The following RGS17 variants were observed in gnomAD, a reference collection of about 807,000 sequenced individuals.
RGS17 encodes the protein regulator of G protein signaling 17.
Under a neutral mutation model 25.5 loss-of-function variants are expected in RGS17, and 12 were observed. The observed-to-expected ratio is 0.47, with a 90% confidence interval of 0.30 to 0.76. RGS17 has a LOEUF of 0.76. Ranked by LOEUF, RGS17 falls within the 30% of genes least tolerant of loss-of-function variation. The pLI is 0.07. For synonymous variants in RGS17, 71 were observed against 76.9 expected, an observed-to-expected ratio of 0.92 and a Z score of 0.40; for missense variants, 196 against 242.2, an observed-to-expected ratio of 0.81 and a Z score of 1.27.
At chr6:153,051,193 A>G (rs1407856718) in intron 1 of RGS17, among the ~76,000 whole-genome samples, 1 of 152,222 alleles carries the variant, frequency 6.6e-6, no homozygotes, top group Non-Finnish European at 1.5e-5. Flanking sequence ...ATTGGTACTG[A>G]GAAGTGGAGT....
intron 4 of RGS17, among the ~76,000 whole-genome samples, chr6:153,020,132 ATATATATTTTTTTTTTTTTTTTTT>A (rs1779230824): frequency 7.7e-5 from 6 of 77,878 alleles, no homozygotes; most frequent in African/African-American, 3.0e-4. Context: ...ATATATATAT[ATATATATTTTTTTTTTTTTTTTTT>A]TTTTTTTTTT....
At chr6:153,054,650 CAAATAAATAAATAAATAAATAAAT>C (rs55901939) in intron 1 of RGS17, among the ~76,000 whole-genome samples, 4 of 141,772 alleles carry the variant, frequency 2.8e-5, no homozygotes, top group Admixed American at 2.1e-4. Flanking sequence ...GACTTCATCT[CAAATAAATAAATAAATAAATAAAT>C]AAATAAATAA....
intron 1 of RGS17, among the ~76,000 whole-genome samples, chr6:153,098,941 T>C (rs981255257): frequency 6.6e-5 from 10 of 152,128 alleles, no homozygotes; most frequent in African/African-American, 2.4e-4. Flanking sequence ...GAGCAGCAGA[T>C]TTTTGGGGTC....
chr6:153,015,773 C>T (rs1017326397), intron 4 of RGS17, among the ~76,000 whole-genome samples: 47 of 152,096 alleles, frequency 3.1e-4, no homozygotes, highest in Admixed American at 8.5e-4. Context: ...CCTGCCTCAG[C>T]CTCCTGAGTA....
chr6:153,047,993 C>T (rs1776406006), intron 1 of RGS17, among the ~76,000 whole-genome samples: 1 of 152,104 alleles, frequency 6.6e-6, no homozygotes, highest in African/African-American at 2.4e-5. Context: ...AGTGTTCTGT[C>T]TTTCTTCTCT....
chr6:153,110,770 G>C (rs1205718435), intron 1 of RGS17, among the ~76,000 whole-genome samples: 1 of 152,170 alleles, frequency 6.6e-6, no homozygotes, highest in African/African-American at 2.4e-5. Context: ...TAGACAGTGG[G>C]TGCAGCCCAC....
chr6:153,025,425 A>G (rs1584122314), intron 3 of RGS17, among the ~76,000 whole-genome samples: 2 of 151,950 alleles, frequency 1.3e-5, no homozygotes, highest in East Asian at 3.9e-4. Context: ...GACATTGGGG[A>G]ATTTAAAACT....
At chr6:153,127,281 G>A (rs934975065) in intron 1 of RGS17, among the ~76,000 whole-genome samples, 3 of 152,268 alleles carry the variant, frequency 2.0e-5, no homozygotes, top group Non-Finnish European at 4.4e-5. Flanking sequence ...TCAGGGGTTG[G>A]GGACCCCTGT....
At chr6:153,027,432 C>T (rs535388193) in intron 2 of RGS17, among the ~76,000 whole-genome samples, 23 of 151,942 alleles carry the variant, frequency 1.5e-4, no homozygotes, top group Non-Finnish European at 2.9e-4. Context: ...CTCAGTGGCT[C>T]GGGAAAATTT....
chr6:153,064,804 T>C (rs1186851979), intron 1 of RGS17, among the ~76,000 whole-genome samples: 1 of 151,802 alleles, frequency 6.6e-6, no homozygotes, highest in East Asian at 1.9e-4. Context: ...ATACAATGAA[T>C]GCACAAAAAA....
rs202172532 is a variant in RGS17, at chr6:153,053,913, TTA to T, written c.-25-9872_-25-9871del. Among the ~76,000 whole-genome samples, 16 of 97,888 alleles carry T rather than the reference TTA, an allele frequency of 1.6e-4. 2 individuals are homozygous for T. Among genetic ancestry groups the T allele is most frequent in the East Asian group, 3.9e-4 (1 of 2,586 alleles). The allele number at this position is 97,888 out of a possible 152,430, so 64.2% of individuals were successfully genotyped here. On this transcript the variant is annotated intron_variant, in intron 1 of 4. Transcript: ENST00000206262. ...TTTTTCACATACATACATACACACA[TTA>T]TATATATATGTATATATATGTATAT... is the stretch of plus-strand genomic sequence containing the variant.
At chr6:153,082,866 C>T (rs999065080) in intron 1 of RGS17, among the ~76,000 whole-genome samples, 2 of 152,150 alleles carry the variant, frequency 1.3e-5, no homozygotes, top group Non-Finnish European at 2.9e-5. Flanking sequence ...AGCTTTACTG[C>T]ATGAGTCTAG....
chr6:153,070,676 TG>T (rs1234715244), intron 1 of RGS17, among the ~76,000 whole-genome samples: 5 of 37,068 alleles, frequency 1.3e-4, no homozygotes, highest in African/African-American at 4.4e-4. Flanking sequence ...TGGAAGATTG[TG>T]TGTGTGTGTG....
chr6:153,128,318 T>G (rs1345523958), intron 1 of RGS17, among the ~76,000 whole-genome samples: 1 of 152,204 alleles, frequency 6.6e-6, no homozygotes, highest in African/African-American at 2.4e-5. Context: ...TTTGCCCTCT[T>G]TGGTAGTGCA....
chr6:153,113,696 C>T (rs1777506251), intron 1 of RGS17, among the ~76,000 whole-genome samples: 1 of 152,126 alleles, frequency 6.6e-6, no homozygotes, highest in South Asian at 2.1e-4. Context: ...CACTCCTCAG[C>T]AAATGCAAAA....
At chr6:153,109,301 T>C (rs1012902753) in intron 1 of RGS17, among the ~76,000 whole-genome samples, 25 of 152,224 alleles carry the variant, frequency 1.6e-4, no homozygotes, top group Non-Finnish European at 4.4e-5. Flanking sequence ...ACATTTGCAT[T>C]CCAAAGGGTA....
At position 153,010,671 on chromosome 6, in the gene RGS17, CTTA is replaced by C. The variant is rs953725524; in HGVS notation, c.*900_*902del. 1 of 151,884 alleles carries C rather than the reference CTTA, an allele frequency of 6.6e-6. No individual in the cohort carries two copies. The highest frequency in any genetic ancestry group is 1.5e-5 in the Non-Finnish European group (1 of 67,868). The allele number at this position is 151,884 out of a possible 1,614,324, so 9.4% of individuals were successfully genotyped here. ...TATATTCCAAAACTAAGTTATCAAG[CTTA>C]TTATTATTTTTTTCTTGCTGAAGTA... On this transcript the variant is annotated 3_prime_UTR_variant, in exon 5 of 5. Coordinates refer to ENST00000206262, the MANE Select transcript of RGS17 (RefSeq NM_012419.5).
chr6:153,093,143 C>T (rs1777156560), intron 1 of RGS17, among the ~76,000 whole-genome samples: 1 of 152,148 alleles, frequency 6.6e-6, no homozygotes, highest in Non-Finnish European at 1.5e-5. Flanking sequence ...TCTAGTGTCT[C>T]ATTTGATTCT....
intron 4 of RGS17, among the ~76,000 whole-genome samples, chr6:153,016,854 C>G (rs1584118349): frequency 6.6e-6 from 1 of 152,132 alleles, no homozygotes; most frequent in East Asian, 1.9e-4. Context: ...ATCTATAATA[C>G]AAGGTATTGG....
Sources: allele counts gnomAD v4.1 joint callset (sites outside exome capture counted in the v4.1 genomes callset), GRCh38; gene constraint gnomAD v4.1.1; transcripts MANE v1.5; gene names NCBI Gene and HGNC (gene_info 2026-07-23, HGNC 2026-07-21).